Variants in OSBPL3 observed in about 807,000 individuals in gnomAD.
OSBPL3 encodes the protein oxysterol binding protein like 3.
A neutral mutation model predicts 120.1 loss-of-function variants in OSBPL3; 65 were observed. The ratio of observed to expected loss-of-function variants is 0.54; its 90% CI spans 0.44 to 0.67. The LOEUF (loss-of-function observed/expected upper bound fraction) is 0.67, where lower values mean the gene tolerates loss of function less well. OSBPL3 is among the 30% of genes least tolerant of loss of function. The pLI, the probability that OSBPL3 is intolerant of heterozygous loss-of-function variation, is 0.00. For synonymous variants in OSBPL3, 416 were observed against 402.6 expected (o/e 1.03, Z -0.40); for missense variants, 1,004 against 1,082.1 (o/e 0.93, Z 1.01).
chr7:24,963,559 C>G (rs2128520865), intron 1 of OSBPL3, among the ~76,000 whole-genome samples: 1 of 152,258 alleles, frequency 6.6e-6, no homozygotes, highest in African/African-American at 2.4e-5. Context: ...ATCTGACTGC[C>G]TATGCACAAG....
chr7:24,807,370 G>C (rs1183668400), intron 20 of OSBPL3, among the ~76,000 whole-genome samples: 1 of 152,120 alleles, frequency 6.6e-6, no homozygotes, highest in Admixed American at 6.6e-5. Flanking sequence ...TCGGGCGCCT[G>C]TAATTCCAGC....
rs747029238 is a variant in OSBPL3, at chr7:24,830,864, G to A, written c.1788C>T (p.Ser596=). 6.2e-7 allele frequency: 1 copy of A among 1,613,948 alleles called. No individual in the cohort carries two copies. The highest frequency in any genetic ancestry group is 2.2e-5 in the East Asian group (1 of 44,870). The change falls in exon 16 of 23, where the codon AGC becomes AGT. Residue 596 remains serine (S), a synonymous_variant. Transcript: ENST00000313367. This position sits in a 1 kb window ranked among gnomAD's most constrained non-coding sequence, Gnocchi z 4.4. ...AAFAISAYAS[S]YYRAGSKPFN... ...ATGGCTTGCTTCCAGCTCGGTAGTA[G>A]CTAGATGCATACGCTGATATGGCAA...
Position 24,904,918 on chromosome 7 carries a change from GGTGTGT to G in OSBPL3, c.-149-12303_-149-12298del, listed in dbSNP as rs67222925. On this transcript the variant is annotated intron_variant, in intron 1 of 22. Transcript: ENST00000313367. The stretch of plus-strand genomic sequence containing the variant: ...TGAAGTGTTCTGATCATAATATACA[GGTGTGT>G]GTGTGTGTGTGTGTGTGTGTGTGTG... Among the ~76,000 whole-genome samples, 1,307 of 132,938 alleles carry G rather than the reference GGTGTGT, an allele frequency of 9.8e-3. 10 individuals carry two copies. Among genetic ancestry groups the G allele is most frequent in the African/African-American group, 0.022 (789 of 35,096 alleles). 87.2% of individuals were successfully genotyped at this position (132,938 alleles called of 152,430 possible).
intron 1 of OSBPL3, among the ~76,000 whole-genome samples, chr7:24,908,909 T>C (rs1221140165): frequency 6.6e-6 from 1 of 152,230 alleles, no homozygotes; most frequent in African/African-American, 2.4e-5. Flanking sequence ...CCTCAAAAGA[T>C]GGCAAGAGCC....
chr7:24,901,739 A>T (rs1370073085), intron 1 of OSBPL3, among the ~76,000 whole-genome samples: 3 of 152,210 alleles, frequency 2.0e-5, no homozygotes, highest in African/African-American at 7.2e-5. Context: ...ACCAGGGTTG[A>T]CAAGGTGCTT....
At position 24,900,795 on chromosome 7, in the gene OSBPL3, C is replaced by T. The variant is rs1227466363; in HGVS notation, c.-149-8174G>A. Among the ~76,000 whole-genome samples the T allele has an allele frequency of 6.6e-6, 1 of 152,038 alleles. No homozygotes were observed. The highest frequency in any genetic ancestry group is 1.5e-5 in the Non-Finnish European group (1 of 68,018). On this transcript the variant is annotated intron_variant, in intron 1 of 22. Transcript: ENST00000313367. This position sits in a 1 kb window ranked among gnomAD's most constrained non-coding sequence, Gnocchi z 4.5. ...CCAGCCTGGGCAACAAGGCGAAACC[C>T]CCATCTTTACAAAAAATATTAGGTT... is the stretch of plus-strand genomic sequence containing the variant.
rs2128468847 is a variant in OSBPL3 at position 24,932,717 on chromosome 7, G to A, written c.-149-40096C>T. On this transcript the variant is annotated intron_variant, in intron 1 of 22. Coordinates refer to ENST00000313367, the MANE Select transcript of OSBPL3 (RefSeq NM_015550.4). This position sits in a 1 kb window ranked among gnomAD's most constrained non-coding sequence, Gnocchi z 5.6. The stretch of plus-strand genomic sequence containing the variant: ...CATTTTCCAGCCTCCAGAACTACGA[G>A]AAGTAAATTTCTGATGTTTATAAGC... 6.6e-6 allele frequency among the ~76,000 whole-genome samples: 1 copy of A among 152,304 alleles called. No individual in the cohort carries two copies.
chr7:24,922,272 G>T lies in OSBPL3; in HGVS notation c.-149-29651C>A, dbSNP rs892167159. ...CTGTGTTACAAAAAGTCCTAGAAGG[G>T]CACAGTGAGGGGGACTGGGGAGAGC... On this transcript the variant is annotated intron_variant, in intron 1 of 22. Transcript: ENST00000313367. The surrounding 1 kb of genome is among the most constrained non-coding windows in gnomAD (Gnocchi z 4.3). Among the ~76,000 whole-genome samples, 1 of 152,166 alleles carries T rather than the reference G, an allele frequency of 6.6e-6. No homozygotes were observed. The highest frequency in any genetic ancestry group is 2.4e-5 in the African/African-American group (1 of 41,456).
chr7:24,910,813 G>C (rs754633953), intron 1 of OSBPL3, among the ~76,000 whole-genome samples: 9 of 152,208 alleles, frequency 5.9e-5, no homozygotes, highest in Non-Finnish European at 1.2e-4. Context: ...GGCTTGACTA[G>C]GTAGAGAGAA....
chr7:24,887,384 G>A (rs762063641), intron 2 of OSBPL3, among the ~76,000 whole-genome samples: 60 of 152,308 alleles, frequency 3.9e-4, no homozygotes, highest in African/African-American at 9.1e-4. Flanking sequence ...AGAGTGTCAC[G>A]GTTTTTGAAA....
Position 24,804,389 on chromosome 7 carries a change from C to T in OSBPL3, c.2493G>A (p.Arg831=). The part of the protein sequence containing the change: ...NLEEAEIQKQ[R]IEQLQRERRR... Reference sequence around the variant, plus strand: ...GCCTTTCTCTCTGCAGTTGTTCAATCCTCTGCTTTTGTATTTCAGCTTCTT... The same window carrying T: ...GCCTTTCTCTCTGCAGTTGTTCAATTCTCTGCTTTTGTATTTCAGCTTCTT... The change falls in exon 22 of 23, where the codon AGG becomes AGA. Residue 831 remains arginine, a synonymous_variant. Coordinates refer to ENST00000313367, the MANE Select transcript of OSBPL3 (RefSeq NM_015550.4). The surrounding 1 kb of genome is among the most constrained non-coding windows in gnomAD (Gnocchi z 5.4). 6.2e-7 allele frequency: 1 copy of T among 1,614,028 alleles called. No homozygotes were observed. Among genetic ancestry groups the T allele is most frequent in the Non-Finnish European group, 8.5e-7 (1 of 1,179,942 alleles).
chr7:24,844,690 G>A (rs1311027111), intron 12 of OSBPL3, among the ~76,000 whole-genome samples: 1 of 151,674 alleles, frequency 6.6e-6, no homozygotes, highest in African/African-American at 2.4e-5. Flanking sequence ...ACTGTATTCT[G>A]AAAATAAAAA....
rs1794679255 is a variant in OSBPL3, at chr7:24,818,028, C to G, written c.1949-1340G>C. Among the ~76,000 whole-genome samples, 1 of 152,044 alleles carries G rather than the reference C, an allele frequency of 6.6e-6. No individual in the cohort carries two copies. The highest frequency in any genetic ancestry group is 6.5e-5 in the Admixed American group (1 of 15,268). On this transcript the variant is annotated intron_variant, in intron 17 of 22. Coordinates refer to ENST00000313367, the MANE Select transcript of OSBPL3 (RefSeq NM_015550.4). The surrounding 1 kb of genome is among the most constrained non-coding windows in gnomAD (Gnocchi z 4.0). ...GACAGTGGGGAGCCCTGGCTGGGGT[C>G]CAGGTGAGAGAGGTGGGTCTGGGAC...
At position 24,937,165 on chromosome 7, in the gene OSBPL3, G is replaced by T. The variant is rs1228761340; in HGVS notation, c.-150+42721C>A. On this transcript the variant is annotated intron_variant, in intron 1 of 22. Coordinates refer to ENST00000313367, the MANE Select transcript of OSBPL3 (RefSeq NM_015550.4). The surrounding 1 kb of genome is among the most constrained non-coding windows in gnomAD (Gnocchi z 4.0). Reference sequence around the variant, plus strand: ...CAGGAGAAATGCCGAGCAAAAGGGGGAAAAGGCCCTTATATTATAAAACCA... The same window carrying T: ...CAGGAGAAATGCCGAGCAAAAGGGGTAAAAGGCCCTTATATTATAAAACCA... Among the ~76,000 whole-genome samples the T allele has an allele frequency of 6.6e-6, 1 of 152,162 alleles. No individual in the cohort carries two copies. Among genetic ancestry groups the T allele is most frequent in the African/African-American group, 2.4e-5 (1 of 41,446 alleles).
Position 24,817,687 on chromosome 7 carries a change from G to C in OSBPL3, c.1949-999C>G, listed in dbSNP as rs933987964. Among the ~76,000 whole-genome samples the C allele has an allele frequency of 3.9e-5, 6 of 152,116 alleles. No individual in the cohort carries two copies. Among genetic ancestry groups the C allele is most frequent in the Admixed American group, 3.9e-4 (6 of 15,270 alleles). On this transcript the variant is annotated intron_variant, in intron 17 of 22. Transcript: ENST00000313367. The surrounding 1 kb of genome is among the most constrained non-coding windows in gnomAD (Gnocchi z 4.0). ...GAGTAGGAGAGAGGAGAAGCAAGGC[G>C]ACAAGTTAAGAGGCTACTGCAATTG...
intron 1 of OSBPL3, among the ~76,000 whole-genome samples, chr7:24,901,696 T>G (rs1807059191): frequency 6.6e-6 from 1 of 152,216 alleles, no homozygotes; most frequent in South Asian, 2.1e-4. Flanking sequence ...GGCTTTGGTA[T>G]TCCTAAACCT....
intron 1 of OSBPL3, among the ~76,000 whole-genome samples, chr7:24,942,021 T>C (rs1040773819): frequency 6.6e-6 from 1 of 152,194 alleles, no homozygotes; most frequent in Admixed American, 6.5e-5. Flanking sequence ...TTGTAACACA[T>C]AACGCAACAG....
chr7:24,920,288 AAT>A, intron 1 of OSBPL3, among the ~76,000 whole-genome samples: 1 of 152,196 alleles, frequency 6.6e-6, no homozygotes, highest in African/African-American at 2.4e-5. Context: ...ATATCCACAC[AAT>A]ATTATTTCAG....
Position 24,834,417 on chromosome 7 carries a change from G to C in OSBPL3, c.1746+69C>G. 1.3e-6 allele frequency: 2 copies of C among 1,555,300 alleles called. No homozygotes were observed. The highest frequency in any genetic ancestry group is 1.4e-5 in the African/African-American group (1 of 73,306). On this transcript the variant is annotated intron_variant, in intron 15 of 22. Coordinates refer to ENST00000313367, the MANE Select transcript of OSBPL3 (RefSeq NM_015550.4). This position sits in a 1 kb window ranked among gnomAD's most constrained non-coding sequence, Gnocchi z 5.2. ...GGGAACAGGGGCTGTCTCTCTGATG[G>C]GCCCCGTGAATGGCCTCGTGGCTTG...
Sources: allele counts gnomAD v4.1 joint callset (sites outside exome capture counted in the v4.1 genomes callset), GRCh38; gene constraint gnomAD v4.1.1; non-coding constraint Gnocchi (gnomAD v3.1); transcripts MANE v1.5; gene names NCBI Gene and HGNC (gene_info 2026-07-23, HGNC 2026-07-21).